Variants in UGT1A3 observed in about 807,000 individuals in gnomAD.
The protein encoded by UGT1A3 is UDP-glucuronosyltransferase 1A3.
Under a neutral mutation model 41.0 loss-of-function variants are expected in UGT1A3, and 31 were observed. The observed-to-expected ratio is 0.76, with a 90% CI of 0.57 to 1.02. UGT1A3 has a LOEUF of 1.02. UGT1A3 is among the 50% of genes least tolerant of loss of function. UGT1A3 has a pLI of 0.00. For missense variants in UGT1A3, 737 were observed against 671.0 expected (o/e 1.10, Z -1.09); for synonymous variants, 262 against 257.6 (o/e 1.02, Z -0.17).
rs34757826 is a variant in UGT1A3, at chr2:233,757,460, G to C, written c.868-9574G>C. 9.5e-3 allele frequency among the ~76,000 whole-genome samples: 1,419 copies of C among 149,430 alleles called. 20 individuals carry two copies. The highest frequency in any genetic ancestry group is 0.033 in the African/African-American group (1,351 of 40,382). On this transcript the variant is annotated intron_variant, in intron 1 of 4. Coordinates refer to ENST00000482026, the MANE Select transcript of UGT1A3 (RefSeq NM_019093.4). ...TTCTATACAGAAACATGTCCAGAGC[G>C]CTTACTGTCTCCAAAACCATGGACT... is the stretch of plus-strand genomic sequence containing the variant.
At position 233,737,636 on chromosome 2, in the gene UGT1A3, C is replaced by T. The variant is rs531826913; in HGVS notation, c.867+7643C>T. ...AAATGCAGAAATCATCCATCTTCTGCGTCGATCATGCTGGGAGCTGCAGAT... is the reference window on the plus strand; with the variant it reads ...AAATGCAGAAATCATCCATCTTCTGTGTCGATCATGCTGGGAGCTGCAGAT... On this transcript the variant is annotated intron_variant, in intron 1 of 4. Coordinates refer to ENST00000482026, the MANE Select transcript of UGT1A3 (RefSeq NM_019093.4). Among the ~76,000 whole-genome samples the T allele has an allele frequency of 5.3e-5, 8 of 152,322 alleles. No individual in the cohort carries two copies. In the East Asian group the frequency reaches 5.8e-4, roughly 11 times the overall value.
In UGT1A3 at chr2:233,767,782, A is replaced by G. The variant is rs1404728252; in HGVS notation, c.1000-67A>G. The G allele has an allele frequency of 3.7e-6, 6 of 1,613,376 alleles. No individual in the cohort carries two copies. In the African/African-American group the frequency reaches 4.0e-5, roughly 11 times the overall value. ...AGAGGACCCCTGTTTTCTAGTTAGT[A>G]TAGCAGATTTGTTTTCTAATCATAT... is the stretch of plus-strand genomic sequence containing the variant. On this transcript the variant is annotated intron_variant, in intron 2 of 4. Coordinates refer to ENST00000482026, the MANE Select transcript of UGT1A3 (RefSeq NM_019093.4).
intron 1 of UGT1A3, among the ~76,000 whole-genome samples, chr2:233,740,219 C>T (rs1379344559): frequency 6.6e-6 from 1 of 151,748 alleles, no homozygotes; most frequent in African/African-American, 2.4e-5. Context: ...GTCTCAGCTG[C>T]GTCTTTATAG....
At chr2:233,747,405 G>C (rs112085732) in intron 1 of UGT1A3, 2 of 1,607,054 alleles carry the variant, frequency 1.2e-6, no homozygotes, top group Non-Finnish European at 1.7e-6. Context: ...CACCCCAGAG[G>C]TGAATATGCA....
In UGT1A3 at chr2:233,759,136, T is replaced by C. The variant is rs1257027587; in HGVS notation, c.868-7898T>C. 2.6e-5 allele frequency among the ~76,000 whole-genome samples: 4 copies of C among 152,326 alleles called. No individual in the cohort carries two copies. In the East Asian group the frequency reaches 7.7e-4, roughly 29 times the overall value. ...GGGAGTTACAGCCTCTGGTACGCAA[T>C]GAAGGTGAGTTCCACAGAACACAAG... On this transcript the variant is annotated intron_variant, in intron 1 of 4. Transcript: ENST00000482026.
At position 233,747,386 on chromosome 2, in the gene UGT1A3, G is replaced by A. The variant is rs28900380; in HGVS notation, c.867+17393G>A. ...AGCTCCATGCCAGAGGCCACCAGGC[G>A]GTGGTCCTCACCCCAGAGGTGAATA... is the stretch of plus-strand genomic sequence containing the variant. On this transcript the variant is annotated intron_variant, in intron 1 of 4. Coordinates refer to ENST00000482026, the MANE Select transcript of UGT1A3 (RefSeq NM_019093.4). The A allele has an allele frequency of 0.013, 20,927 of 1,605,194 alleles. 2,457 individuals carry two copies. In the African/African-American group the frequency reaches 0.23, roughly 18 times the overall value.
chr2:233,769,515 T>A lies in UGT1A3; in HGVS notation c.1307+1076T>A. The A allele has an allele frequency of 6.2e-7, 1 of 1,612,854 alleles. No homozygotes were observed. Among genetic ancestry groups the A allele is most frequent in the Non-Finnish European group, 8.5e-7 (1 of 1,179,868 alleles). ...TGAGAGTGTCCATTGCTTTCTCCCA[T>A]GGTTACCTCCTTTAGAAAGAAGCAG... On this transcript the variant is annotated intron_variant, in intron 4 of 4. Coordinates refer to ENST00000482026, the MANE Select transcript of UGT1A3 (RefSeq NM_019093.4). This position sits in a 1 kb window ranked among gnomAD's most constrained non-coding sequence, Gnocchi z 4.4.
intron 1 of UGT1A3, among the ~76,000 whole-genome samples, chr2:233,736,159 G>C (rs1376053272): frequency 6.6e-6 from 1 of 152,194 alleles, no homozygotes; most frequent in Non-Finnish European, 1.5e-5. Context: ...GTCAAACGTA[G>C]ATTTGGTCTT....
At position 233,769,913 on chromosome 2, in the gene UGT1A3, C is replaced by A. The variant is rs1699980310; in HGVS notation, c.1307+1474C>A. The A allele has an allele frequency of 6.7e-6, 2 of 297,578 alleles. No homozygotes were observed. The highest frequency in any genetic ancestry group is 2.1e-5 in the African/African-American group (1 of 46,750). The allele number at this position is 297,578 out of a possible 1,614,324, so 18.4% of individuals were successfully genotyped here. A position where few individuals can be genotyped will look rare whatever the true frequency, so the allele number is the denominator to read the frequency against. On this transcript the variant is annotated intron_variant, in intron 4 of 4. Coordinates refer to ENST00000482026, the MANE Select transcript of UGT1A3 (RefSeq NM_019093.4). This position sits in a 1 kb window ranked among gnomAD's most constrained non-coding sequence, Gnocchi z 4.4. ...TAACCTGAGCATCATGTGCCCAGAG[C>A]GTTGGGTGGTGTGGTCCCATTCCTT... is the stretch of plus-strand genomic sequence containing the variant.
chr2:233,769,756 A>G lies in UGT1A3; in HGVS notation c.1307+1317A>G. 2 of 1,425,682 alleles carry G rather than the reference A, an allele frequency of 1.4e-6. No individual in the cohort carries two copies. Among genetic ancestry groups the G allele is most frequent in the Non-Finnish European group, 1.8e-6 (2 of 1,086,462 alleles). The allele number at this position is 1,425,682 out of a possible 1,614,324, so 88.3% of individuals were successfully genotyped here. ...TGTAGTCCCAGCCACTCTGGAGGCT[A>G]AGGCGGGAGGATTGCTTGAGCCCAG... On this transcript the variant is annotated intron_variant, in intron 4 of 4. Transcript: ENST00000482026. The surrounding 1 kb of genome is among the most constrained non-coding windows in gnomAD (Gnocchi z 4.4).
chr2:233,750,986 G>T (rs1230774000), intron 1 of UGT1A3, among the ~76,000 whole-genome samples: 1 of 151,784 alleles, frequency 6.6e-6, no homozygotes, highest in Non-Finnish European at 1.5e-5. Flanking sequence ...TTGTGAGAAG[G>T]CGGCCACCAT....
rs41264157 is a variant in UGT1A3 at position 233,755,111 on chromosome 2, G to C, written c.868-11923G>C. ...GTTTCTACGCGTCCGACAACACCTCGTAGGCCTCAGCCACCTGCTTGAATC... is the reference window on the plus strand; with the variant it reads ...GTTTCTACGCGTCCGACAACACCTCCTAGGCCTCAGCCACCTGCTTGAATC... On this transcript the variant is annotated intron_variant, in intron 1 of 4. Transcript: ENST00000482026. 5.5e-4 allele frequency: 736 copies of C among 1,331,768 alleles called. 3 individuals are homozygous for C. The African/African-American group carries it at 7.2e-3, about 13-fold the overall frequency. The allele number at this position is 1,331,768 out of a possible 1,614,324, so 82.5% of individuals were successfully genotyped here.
At chr2:233,736,366 C>A (rs985371581) in intron 1 of UGT1A3, among the ~76,000 whole-genome samples, 1 of 152,198 alleles carries the variant, frequency 6.6e-6, no homozygotes, top group African/African-American at 2.4e-5. Context: ...TCCATCAGGT[C>A]ATTTAAGGTC....
At position 233,772,889 on chromosome 2, in the gene UGT1A3, T is replaced by C. The variant is rs1433214773; in HGVS notation, c.*330T>C. 3.8e-6 allele frequency: 2 copies of C among 531,532 alleles called. No homozygotes were observed. The highest frequency in any genetic ancestry group is 5.3e-5 in the East Asian group (1 of 18,828). 32.9% of individuals were successfully genotyped at this position (531,532 alleles called of 1,614,324 possible). On this transcript the variant is annotated 3_prime_UTR_variant, in exon 5 of 5. Transcript: ENST00000482026. Reference sequence around the variant, plus strand: ...TGTTTGGGAGTGCGGGATTCAAAGGTGGTCCCACGGCTGCCCCTACTGCAA... The same window carrying C: ...TGTTTGGGAGTGCGGGATTCAAAGGCGGTCCCACGGCTGCCCCTACTGCAA...
chr2:233,738,480 A>T (rs981519178), intron 1 of UGT1A3, among the ~76,000 whole-genome samples: 1 of 152,194 alleles, frequency 6.6e-6, no homozygotes, highest in African/African-American at 2.4e-5. Flanking sequence ...CTTCCTGGAG[A>T]CTTGTTGAAC....
chr2:233,763,240 C>T (rs1698267751), intron 1 of UGT1A3, among the ~76,000 whole-genome samples: 1 of 152,140 alleles, frequency 6.6e-6, no homozygotes, highest in African/African-American at 2.4e-5. Flanking sequence ...TAAATTGTAC[C>T]TTTTAGTAAC....
chr2:233,770,961 C>T (rs898469927), intron 4 of UGT1A3: 13 of 152,156 alleles, frequency 8.5e-5, no homozygotes, highest in African/African-American at 3.1e-4. Flanking sequence ...GGAGCTTTTA[C>T]TCATGGCAGA....
chr2:233,732,056 T>C (rs1452180341), intron 1 of UGT1A3, among the ~76,000 whole-genome samples: 3 of 152,242 alleles, frequency 2.0e-5, no homozygotes, highest in Admixed American at 6.5e-5. Context: ...CATTTATTCA[T>C]GTGTCTGTTG....
intron 1 of UGT1A3, chr2:233,754,389 C>A: frequency 3.3e-6 from 1 of 302,106 alleles, no homozygotes; most frequent in Non-Finnish European, 6.5e-6. Context: ...AAACAGAGGT[C>A]CTATCCGTGC....
Sources: gnomAD v4.1 joint callset for allele counts (sites outside exome capture counted in the v4.1 genomes callset) on GRCh38, gnomAD v4.1.1 for gene constraint, Gnocchi (gnomAD v3.1) non-coding constraint, MANE v1.5 for transcripts, NCBI Gene and HGNC (gene_info 2026-07-23, HGNC 2026-07-21) for gene names.